TNRC6A: variants seen among roughly 807,000 people sequenced by gnomAD.
The protein encoded by TNRC6A is trinucleotide repeat-containing gene 6A protein.
Under a neutral mutation model 221.2 loss-of-function variants are expected in TNRC6A, and 44 were observed. The ratio of observed to expected loss-of-function variants is 0.20; its 90% CI spans 0.16 to 0.26. The LOEUF (loss-of-function observed/expected upper bound fraction) is 0.26, where lower values mean the gene tolerates loss of function less well. Ranked by LOEUF, TNRC6A falls within the 10% of genes least tolerant of loss-of-function variation. The pLI is 1.00. For missense variants in TNRC6A, 2,199 were observed against 2,404.4 expected (o/e 0.91, Z 1.79); for synonymous variants, 847 against 838.5 (o/e 1.01, Z -0.18).
At chr16:24,711,276 G>A (rs1311408112) in intron 2 of TNRC6A, among the ~76,000 whole-genome samples, 2 of 152,130 alleles carry the variant, frequency 1.3e-5, no homozygotes, top group African/African-American at 4.8e-5. Context: ...CCAAATTGCT[G>A]GGATTACAGG....
intron 2 of TNRC6A, among the ~76,000 whole-genome samples, chr16:24,666,662 AAAAAAAAT>A (rs1306432199): frequency 2.1e-4 from 24 of 114,016 alleles, no homozygotes; most frequent in African/African-American, 6.9e-4. Context: ...AAAAAAAAAA[AAAAAAAAT>A]ATATATATAT....
At position 24,680,941 on chromosome 16, in the gene TNRC6A, T is replaced by A. The variant is rs562655828; in HGVS notation, n.402+39932T>A. On this transcript the variant is annotated intron_variant and non_coding_transcript_variant, in intron 2 of 2. Coordinates refer to the TNRC6A transcript ENST00000566108. ...CACTCGGCTAATTAAAAAAAAAAAA[T>A]TTTTTTTTTGAGAGACTAGGTCTCA... Among the ~76,000 whole-genome samples, 493 of 146,988 alleles carry A rather than the reference T, an allele frequency of 3.4e-3. 13 individuals carry two copies. The East Asian group carries it at 0.077, about 23-fold the overall frequency.
rs1242394886 is a variant in TNRC6A, at chr16:24,791,266, C to T, written c.2624C>T (p.Ser875Leu). ...HWGEANKKSS[S>L]GGSDSDRSVS... Reference sequence around the variant, plus strand: ...GGTGAGGCCAATAAGAAATCCAGCTCAGGAGGTAGTGACAGTGACAGGTCC... The same window carrying T: ...GGTGAGGCCAATAAGAAATCCAGCTTAGGAGGTAGTGACAGTGACAGGTCC... Residue 875 changes from serine to leucine, a missense_variant, in exon 6 of 25, where the codon TCA becomes TTA. Coordinates refer to ENST00000395799, the MANE Select transcript of TNRC6A (RefSeq NM_014494.4). 6.2e-7 allele frequency: 1 copy of T among 1,613,968 alleles called. No homozygotes were observed. Among genetic ancestry groups the T allele is most frequent in the Non-Finnish European group, 8.5e-7 (1 of 1,179,982 alleles).
chr16:24,791,298 G>T lies in TNRC6A; in HGVS notation c.2656G>T (p.Gly886Cys), dbSNP rs767104641. 3 of 1,611,960 alleles carry T rather than the reference G, an allele frequency of 1.9e-6. No homozygotes were observed. Among genetic ancestry groups the T allele is most frequent in the African/African-American group, 1.3e-5 (1 of 74,840 alleles). ...TAGTGACAGTGACAGGTCCGTTTCC[G>T]GTTGGAACGAACTTGGTAAAACTAG... ...GGSDSDRSVSGWNELGKTSSF... is the reference protein window; with the variant it reads ...GGSDSDRSVSCWNELGKTSSF... The change falls in exon 6 of 25, where the codon GGT becomes TGT. Residue 886 changes from glycine to cysteine, a missense_variant. By Grantham distance (159) the Gly-to-Cys change is radical. Transcript: ENST00000395799.
At chr16:24,621,875 A>C (rs1900693189) in intron 1 of TNRC6A, among the ~76,000 whole-genome samples, 1 of 152,234 alleles carries the variant, frequency 6.6e-6, no homozygotes, top group African/African-American at 2.4e-5. Context: ...GCCAAGACAG[A>C]GCATCTGTGA....
At chr16:24,683,531 A>T (rs1453878527) in intron 2 of TNRC6A, among the ~76,000 whole-genome samples, 3 of 152,104 alleles carry the variant, frequency 2.0e-5, no homozygotes, top group Non-Finnish European at 4.4e-5. Context: ...GTGAGATGGT[A>T]GCTCAGGCAA....
chr16:24,628,012 T>C (rs1256514987), intron 1 of TNRC6A, among the ~76,000 whole-genome samples: 6 of 152,064 alleles, frequency 3.9e-5, no homozygotes, highest in African/African-American at 1.4e-4. Flanking sequence ...TCTTGTTTTC[T>C]AGCAATTTTG....
intron 4 of TNRC6A, among the ~76,000 whole-genome samples, chr16:24,773,000 G>T (rs2057644568): frequency 6.6e-6 from 1 of 151,854 alleles, no homozygotes; most frequent in African/African-American, 2.4e-5. Flanking sequence ...ATTGCCGAAG[G>T]TTATTTTTTT....
chr16:24,648,415 T>C (rs569463335), intron 2 of TNRC6A, among the ~76,000 whole-genome samples: 158 of 152,010 alleles, frequency 1.0e-3, no homozygotes, highest in East Asian at 7.0e-3. Context: ...GGACTACAGG[T>C]GCCCACCACC....
chr16:24,691,574 G>T (rs1166721713), intron 2 of TNRC6A, among the ~76,000 whole-genome samples: 1 of 152,024 alleles, frequency 6.6e-6, no homozygotes, highest in African/African-American at 2.4e-5. Context: ...TTCGAGAACA[G>T]CCTGGCCAAC....
chr16:24,800,552 C>G (rs1042442320), intron 11 of TNRC6A, among the ~76,000 whole-genome samples: 1 of 152,184 alleles, frequency 6.6e-6, no homozygotes, highest in Non-Finnish European at 1.5e-5. Flanking sequence ...AGAAGCTTTA[C>G]AGGCAACAAA....
chr16:24,674,866 T>A (rs1421861554), intron 2 of TNRC6A, among the ~76,000 whole-genome samples: 1 of 152,086 alleles, frequency 6.6e-6, no homozygotes, highest in Non-Finnish European at 1.5e-5. Context: ...CACCAGGCAG[T>A]GGTAGCTCAC....
intron 11 of TNRC6A, among the ~76,000 whole-genome samples, chr16:24,802,418 A>G (rs911572637): frequency 6.6e-6 from 1 of 152,080 alleles, no homozygotes; most frequent in South Asian, 2.1e-4. Context: ...GGGTGGTGGT[A>G]CATACCTCTG....
At chr16:24,626,450 T>C (rs1328220779) in intron 1 of TNRC6A, among the ~76,000 whole-genome samples, 1 of 152,238 alleles carries the variant, frequency 6.6e-6, no homozygotes, top group African/African-American at 2.4e-5. Flanking sequence ...GATATCTTTC[T>C]ATGAGAATCT....
chr16:24,776,221 C>G (rs2057715107), intron 4 of TNRC6A: 1 of 970,370 alleles, frequency 1.0e-6, no homozygotes, highest in Non-Finnish European at 1.2e-6. Context: ...TTCTTTCTTT[C>G]CACTCTTTTA....
intron 2 of TNRC6A, among the ~76,000 whole-genome samples, chr16:24,743,624 A>G (rs1189986068): frequency 6.6e-6 from 1 of 152,162 alleles, no homozygotes; most frequent in Non-Finnish European, 1.5e-5. Context: ...AGAGCTTTTT[A>G]TTTTGAGTTA....
intron 2 of TNRC6A, among the ~76,000 whole-genome samples, chr16:24,694,261 G>A (rs2055812143): frequency 6.6e-6 from 1 of 152,078 alleles, no homozygotes. Flanking sequence ...GCATAGCCAG[G>A]CCCCCGTCTC....
At chr16:24,658,774 T>C (rs1394754548) in intron 2 of TNRC6A, among the ~76,000 whole-genome samples, 1 of 152,094 alleles carries the variant, frequency 6.6e-6, no homozygotes, top group Non-Finnish European at 1.5e-5. Context: ...TGCTCTTACA[T>C]TAATTAATTC....
chr16:24,622,111 A>G (rs1057058284), intron 1 of TNRC6A, among the ~76,000 whole-genome samples: 2 of 152,142 alleles, frequency 1.3e-5, no homozygotes, highest in Non-Finnish European at 2.9e-5. Context: ...TTTTTCCCGA[A>G]CCAAGTACAA....
Sources: allele counts gnomAD v4.1 joint callset (sites outside exome capture counted in the v4.1 genomes callset), GRCh38; gene constraint gnomAD v4.1.1; transcripts MANE v1.5; gene names NCBI Gene and HGNC (gene_info 2026-07-23, HGNC 2026-07-21).